The following PRKD1 variants were observed in gnomAD, a reference collection of about 807,000 sequenced individuals.
PRKD1 encodes serine/threonine-protein kinase D1.
PRKD1 carries 63 observed loss-of-function variants against 95.9 expected under a neutral mutation model. The observed-to-expected ratio is 0.66, with a 90% CI of 0.54 to 0.81. The LOEUF is 0.81. Among genes scored for constraint, PRKD1 ranks in the 30% least tolerant of loss-of-function variants. The probability of loss-of-function intolerance (pLI) is 0.00; values close to 1 mark genes in which losing one functional copy is unlikely to be tolerated. For synonymous variants in PRKD1, 425 were observed against 423.1 expected, an observed-to-expected ratio of 1.00 and a Z score of -0.05; for missense variants, 1,048 against 1,165.3, an observed-to-expected ratio of 0.90 and a Z score of 1.47.
chr14:29,721,330 A>T (rs1885885642), intron 2 of PRKD1, among the ~76,000 whole-genome samples: 1 of 152,238 alleles, frequency 6.6e-6, no homozygotes. Context: ...TTTAACCTTA[A>T]GTGTAAGAAG....
At chr14:29,842,583 C>T (rs1010570029) in intron 1 of PRKD1, among the ~76,000 whole-genome samples, 2 of 152,168 alleles carry the variant, frequency 1.3e-5, no homozygotes, top group Non-Finnish European at 2.9e-5. Flanking sequence ...GTCAGTTTCT[C>T]CTTGTTATTC....
At chr14:29,606,153 C>T (rs1893696935) in intron 13 of PRKD1, among the ~76,000 whole-genome samples, 1 of 152,122 alleles carries the variant, frequency 6.6e-6, no homozygotes, top group Admixed American at 6.5e-5. Context: ...GCTGGGATTA[C>T]AGGTGCCCGC....
At chr14:29,761,484 T>C (rs1887978132) in intron 1 of PRKD1, among the ~76,000 whole-genome samples, 1 of 152,188 alleles carries the variant, frequency 6.6e-6, no homozygotes, top group African/African-American at 2.4e-5. Flanking sequence ...TCTGGAAGGC[T>C]GAGGTGTTTT....
intron 2 of PRKD1, among the ~76,000 whole-genome samples, chr14:29,671,314 G>T (rs987793846): frequency 2.6e-5 from 4 of 152,120 alleles, no homozygotes; most frequent in Admixed American, 2.6e-4. Flanking sequence ...GAAAAGTAAA[G>T]AATCAACAGC....
At chr14:29,915,489 T>C (rs1044025071) in intron 1 of PRKD1, among the ~76,000 whole-genome samples, 6 of 152,192 alleles carry the variant, frequency 3.9e-5, no homozygotes, top group Non-Finnish European at 7.3e-5. Flanking sequence ...TAAAAATATT[T>C]CTCAAATTTC....
chr14:29,679,962 G>C (rs965906552), intron 2 of PRKD1, among the ~76,000 whole-genome samples: 2 of 152,072 alleles, frequency 1.3e-5, no homozygotes, highest in African/African-American at 4.8e-5. Context: ...AAACACAGTG[G>C]AATAAGGCTC....
chr14:29,919,674 G>A (rs1895016464), intron 1 of PRKD1, among the ~76,000 whole-genome samples: 1 of 149,068 alleles, frequency 6.7e-6, no homozygotes, highest in African/African-American at 2.6e-5. Context: ...TAGAAAGAGG[G>A]AAATGAGGCT....
At chr14:29,821,864 GCA>G in intron 1 of PRKD1, among the ~76,000 whole-genome samples, 1 of 151,788 alleles carries the variant, frequency 6.6e-6, no homozygotes, top group Non-Finnish European at 1.5e-5. Context: ...ATGTGTGCCT[GCA>G]CACACACACC....
At chr14:29,801,720 C>T (rs1467624016) in intron 1 of PRKD1, among the ~76,000 whole-genome samples, 1 of 151,956 alleles carries the variant, frequency 6.6e-6, no homozygotes, top group African/African-American at 2.4e-5. Context: ...TGGAGTTTCG[C>T]TCTTGTTGCC....
chr14:29,650,889 T>C (rs2139175710), intron 4 of PRKD1, among the ~76,000 whole-genome samples: 1 of 152,298 alleles, frequency 6.6e-6, no homozygotes, highest in Non-Finnish European at 1.5e-5. Context: ...TGTCTTACAG[T>C]TTCTACAGAA....
intron 1 of PRKD1, among the ~76,000 whole-genome samples, chr14:29,797,517 C>T (rs1276567398): frequency 6.6e-6 from 1 of 152,192 alleles, no homozygotes; most frequent in Non-Finnish European, 1.5e-5. Context: ...TCTAACCAGA[C>T]CCTTACACCA....
intron 2 of PRKD1, among the ~76,000 whole-genome samples, chr14:29,677,755 G>T (rs8019393): frequency 0.52 from 78,949 of 151,980 alleles, 23,126 homozygotes; most frequent in African/African-American, 0.8. Flanking sequence ...AGTAGAGATG[G>T]GATTTCACCA....
At chr14:29,711,722 C>T (rs1885343378) in intron 2 of PRKD1, among the ~76,000 whole-genome samples, 1 of 152,108 alleles carries the variant, frequency 6.6e-6, no homozygotes, top group Admixed American at 6.6e-5. Flanking sequence ...AGAACCACAG[C>T]TTACAGTCCT....
At chr14:29,760,049 C>T (rs1172488447) in intron 1 of PRKD1, among the ~76,000 whole-genome samples, 2 of 152,280 alleles carry the variant, frequency 1.3e-5, no homozygotes, top group African/African-American at 4.8e-5. Flanking sequence ...AAATAAGAGG[C>T]CACTGTGTCC....
At chr14:29,789,741 G>T (rs1889448808) in intron 1 of PRKD1, among the ~76,000 whole-genome samples, 1 of 152,154 alleles carries the variant, frequency 6.6e-6, no homozygotes, top group African/African-American at 2.4e-5. Context: ...AGCAAGAAGG[G>T]TGGGTATATT....
chr14:29,836,793 G>A (rs1891627176), intron 1 of PRKD1, among the ~76,000 whole-genome samples: 1 of 152,124 alleles, frequency 6.6e-6, no homozygotes, highest in Admixed American at 6.6e-5. Context: ...GCCCTGTTGG[G>A]TTAGCAATGA....
intron 1 of PRKD1, among the ~76,000 whole-genome samples, chr14:29,853,948 A>G (rs1892404579): frequency 6.6e-6 from 1 of 152,162 alleles, no homozygotes; most frequent in Non-Finnish European, 1.5e-5. Context: ...GCTTTCCACA[A>G]TGATTGTGAT....
intron 1 of PRKD1, among the ~76,000 whole-genome samples, chr14:29,897,718 T>TG (rs1894182113): frequency 6.6e-6 from 1 of 152,148 alleles, no homozygotes; most frequent in Non-Finnish European, 1.5e-5. Flanking sequence ...GATGTAGAGG[T>TG]GCATCTATGA....
chr14:29,592,475 T>C (rs1893165958), intron 16 of PRKD1, among the ~76,000 whole-genome samples: 1 of 152,200 alleles, frequency 6.6e-6, no homozygotes, highest in African/African-American at 2.4e-5. Flanking sequence ...TACTTAACTA[T>C]TGTAAGTTAT....
Sources: gnomAD v4.1 joint callset for allele counts (sites outside exome capture counted in the v4.1 genomes callset) on GRCh38, gnomAD v4.1.1 for gene constraint, MANE v1.5 for transcripts, NCBI Gene and HGNC (gene_info 2026-07-23, HGNC 2026-07-21) for gene names.